The following NEBL variants were observed in gnomAD, a reference collection of about 807,000 sequenced individuals.
NEBL encodes the protein LIM and SH3 protein 2.
A neutral mutation model predicts 140.2 loss-of-function variants in NEBL; 122 were observed. That is an observed-to-expected ratio of 0.87 (90% CI 0.75 to 1.01). The LOEUF is 1.01. NEBL is among the 50% of genes least tolerant of loss of function. NEBL has a pLI of 0.00. For synonymous variants in NEBL, 436 were observed against 398.9 expected (o/e 1.09, Z -1.11); for missense variants, 1,365 against 1,231.3 (o/e 1.11, Z -1.62).
At chr10:20,969,366 A>T (rs927612722) in intron 3 of NEBL, among the ~76,000 whole-genome samples, 19 of 151,842 alleles carry the variant, frequency 1.3e-4, no homozygotes, top group Non-Finnish European at 1.9e-4. Flanking sequence ...CTTTCAATTA[A>T]ACTTCCACTG....
intron 4 of NEBL, among the ~76,000 whole-genome samples, chr10:20,905,312 C>A (rs1308324165): frequency 6.6e-6 from 1 of 152,112 alleles, no homozygotes; most frequent in Non-Finnish European, 1.5e-5. Flanking sequence ...AAAAACATAC[C>A]CGAGACTGGG....
At chr10:20,993,491 G>A (rs934414551) in intron 3 of NEBL, among the ~76,000 whole-genome samples, 6 of 152,260 alleles carry the variant, frequency 3.9e-5, no homozygotes, top group Admixed American at 1.3e-4. Context: ...GCATTCACGC[G>A]TCTTGCTCAT....
At chr10:21,096,488 A>AGTGT (rs10541564) in intron 2 of NEBL, among the ~76,000 whole-genome samples, 20,388 of 141,442 alleles carry the variant, frequency 0.14, 1,450 homozygotes, top group East Asian at 0.27. Context: ...CTTGGTTTTG[A>AGTGT]GTGTGTGTGT....
intron 26 of NEBL, among the ~76,000 whole-genome samples, chr10:20,789,647 G>C (rs1036269724): frequency 6.6e-6 from 1 of 152,034 alleles, no homozygotes; most frequent in Non-Finnish European, 1.5e-5. Context: ...CAGAAGTTTT[G>C]AGACCAGCCT....
At chr10:21,128,637 A>C (rs527907051) in intron 2 of NEBL, among the ~76,000 whole-genome samples, 70 of 152,320 alleles carry the variant, frequency 4.6e-4, no homozygotes, top group Admixed American at 2.0e-3. Flanking sequence ...AAAGTTCAGA[A>C]TGGAAAGGGC....
At chr10:21,234,645 C>G (rs1252117085) in intron 3 of NEBL, among the ~76,000 whole-genome samples, 1 of 152,172 alleles carries the variant, frequency 6.6e-6, no homozygotes, top group Non-Finnish European at 1.5e-5. Flanking sequence ...TAATCCCCCT[C>G]TCTCTGCTCC....
intron 4 of NEBL, among the ~76,000 whole-genome samples, chr10:20,885,146 T>A (rs1474823207): frequency 1.3e-5 from 2 of 152,228 alleles, no homozygotes; most frequent in Non-Finnish European, 2.9e-5. Context: ...TCTGAATTCA[T>A]CCAATACTCC....
At chr10:21,082,367 A>G (rs1322565564) in intron 2 of NEBL, among the ~76,000 whole-genome samples, 1 of 152,152 alleles carries the variant, frequency 6.6e-6, no homozygotes, top group Non-Finnish European at 1.5e-5. Context: ...GATGGTTAGA[A>G]TGTGGTTATG....
chr10:20,871,469 G>C (rs1170788439), intron 5 of NEBL, among the ~76,000 whole-genome samples: 1 of 152,076 alleles, frequency 6.6e-6, no homozygotes, highest in Non-Finnish European at 1.5e-5. Context: ...TCAAGTGTAA[G>C]AAGTGACAAT....
chr10:21,136,583 C>T (rs897600522), intron 2 of NEBL, among the ~76,000 whole-genome samples: 3 of 152,204 alleles, frequency 2.0e-5, no homozygotes, highest in Non-Finnish European at 4.4e-5. Flanking sequence ...GTGAACTTGT[C>T]TTTGGAGCTT....
chr10:21,165,835 A>G (rs1336031330), intron 2 of NEBL, among the ~76,000 whole-genome samples: 1 of 152,196 alleles, frequency 6.6e-6, no homozygotes, highest in Non-Finnish European at 1.5e-5. Context: ...AGTGGCTGTT[A>G]TGATTCACAA....
chr10:20,829,455 AG>A (rs1208707067), intron 16 of NEBL, among the ~76,000 whole-genome samples: 1 of 119,028 alleles, frequency 8.4e-6, no homozygotes, highest in East Asian at 3.5e-4. Flanking sequence ...GGGAGGGGGG[AG>A]GGATAGCATT....
chr10:21,032,697 T>C (rs1833850304), intron 2 of NEBL, among the ~76,000 whole-genome samples: 1 of 152,168 alleles, frequency 6.6e-6, no homozygotes, highest in African/African-American at 2.4e-5. Flanking sequence ...AATGTAGGCC[T>C]CTCACACGTG....
At chr10:21,068,833 A>C (rs928004745) in intron 2 of NEBL, among the ~76,000 whole-genome samples, 5 of 152,180 alleles carry the variant, frequency 3.3e-5, no homozygotes, top group African/African-American at 1.2e-4. Flanking sequence ...AAATATTTGG[A>C]GTATTCCTCC....
intron 2 of NEBL, among the ~76,000 whole-genome samples, chr10:21,142,027 C>T (rs145381143): frequency 1.7e-3 from 265 of 152,270 alleles, no homozygotes; most frequent in African/African-American, 5.8e-3. Context: ...CAACTCCAGC[C>T]TGGCCGGGAT....
chr10:21,262,385 C>T (rs1466412127), intron 1 of NEBL, among the ~76,000 whole-genome samples: 4 of 152,178 alleles, frequency 2.6e-5, no homozygotes, highest in African/African-American at 9.7e-5. Context: ...TGCTCTCTGG[C>T]CCACTCGGCT....
intron 1 of NEBL, among the ~76,000 whole-genome samples, chr10:21,283,031 G>T (rs1015853920): frequency 3.0e-4 from 45 of 151,938 alleles, no homozygotes; most frequent in African/African-American, 1.1e-3. Flanking sequence ...AGCTACTTGG[G>T]AGGCTGAGGC....
chr10:21,173,745 C>T lies in NEBL; in HGVS notation c.69+20G>A, dbSNP rs754882077. 5.0e-5 allele frequency: 81 copies of T among 1,611,624 alleles called. No individual in the cohort carries two copies. The Admixed American group carries it at 1.4e-3, about 27-fold the overall frequency. ...CCCTCGCCCGGCAGGTCCAGGCTGGCCCGGCGCCCCCTCGCTCACCTTATC... is the reference window on the plus strand; with the variant it reads ...CCCTCGCCCGGCAGGTCCAGGCTGGTCCGGCGCCCCCTCGCTCACCTTATC... On this transcript the variant is annotated intron_variant, in intron 1 of 6. Coordinates refer to the NEBL transcript ENST00000417816. The surrounding 1 kb of genome is among the most constrained non-coding windows in gnomAD (Gnocchi z 5.7).
intron 1 of NEBL, among the ~76,000 whole-genome samples, chr10:21,259,030 G>T (rs1842701792): frequency 6.6e-6 from 1 of 151,726 alleles, no homozygotes; most frequent in Non-Finnish European, 1.5e-5. Context: ...TAAGTAGTTT[G>T]CCCAGTAGTG....
Sources: gnomAD v4.1 joint callset for allele counts (sites outside exome capture counted in the v4.1 genomes callset) on GRCh38, gnomAD v4.1.1 for gene constraint, Gnocchi (gnomAD v3.1) non-coding constraint, MANE v1.5 for transcripts, NCBI Gene and HGNC (gene_info 2026-07-23, HGNC 2026-07-21) for gene names.